The following SLC2A9 variants were observed in gnomAD, a reference collection of about 807,000 sequenced individuals.
The protein encoded by SLC2A9 is solute carrier family 2, facilitated glucose transporter member 9.
In SLC2A9, 39 loss-of-function variants were observed where a neutral mutation model predicts 50.6. That is an observed-to-expected ratio of 0.77 (90% confidence interval 0.60 to 1.01). The LOEUF (loss-of-function observed/expected upper bound fraction) is 1.01. Ranked by LOEUF, SLC2A9 falls within the 50% of genes least tolerant of loss-of-function variation. The pLI is 0.00. For missense variants in SLC2A9, 686 were observed against 677.6 expected (o/e 1.01, Z -0.14); for synonymous variants, 324 against 276.9 (o/e 1.17, Z -1.69).
In SLC2A9 at chr4:9,870,708, G is replaced by A. The variant is rs919028299; in HGVS notation, c.1291+16859C>T. Among the ~76,000 whole-genome samples the A allele has an allele frequency of 4.6e-5, 7 of 152,234 alleles. No individual in the cohort carries two copies. In the East Asian group the frequency reaches 5.8e-4, roughly 13 times the overall value. On this transcript the variant is annotated intron_variant, in intron 10 of 11. Coordinates refer to ENST00000264784, the MANE Select transcript of SLC2A9 (RefSeq NM_020041.3). The stretch of plus-strand genomic sequence containing the variant: ...AACATGTGAAAATGCAAGGGAGAAC[G>A]GCTGGAAAAAGGAGACTTTGGAGTT...
intron 6 of SLC2A9, among the ~76,000 whole-genome samples, chr4:9,926,083 C>A (rs1421326805): frequency 6.6e-6 from 1 of 152,012 alleles, no homozygotes; most frequent in Non-Finnish European, 1.5e-5. Context: ...CCATCCTGGC[C>A]TGGAGACCCC....
chr4:9,850,128 C>T (rs1358099218), intron 10 of SLC2A9, among the ~76,000 whole-genome samples: 1 of 152,072 alleles, frequency 6.6e-6, no homozygotes, highest in Admixed American at 6.5e-5. Context: ...CACGGGGCTG[C>T]TGAGCAATGG....
chr4:10,022,780 G>A (rs1763593118), upstream of SLC2A9, among the ~76,000 whole-genome samples: 1 of 152,210 alleles, frequency 6.6e-6, no homozygotes, highest in South Asian at 2.1e-4. Flanking sequence ...AACGCACGTG[G>A]AAACGTCCGG....
chr4:9,948,716 G>C (rs1178436985), intron 5 of SLC2A9, among the ~76,000 whole-genome samples: 1 of 152,192 alleles, frequency 6.6e-6, no homozygotes, highest in Non-Finnish European at 1.5e-5. Flanking sequence ...GCTCAACTGA[G>C]ACCTCTGTTG....
At chr4:9,845,718 C>CCG (rs1466132374) in intron 10 of SLC2A9, among the ~76,000 whole-genome samples, 1 of 152,188 alleles carries the variant, frequency 6.6e-6, no homozygotes, top group East Asian at 1.9e-4. Context: ...GCGTGAGCCA[C>CCG]CGCGCCCGGC....
chr4:9,842,177 G>A (rs1346139421), intron 10 of SLC2A9, among the ~76,000 whole-genome samples: 1 of 152,198 alleles, frequency 6.6e-6, no homozygotes, highest in African/African-American at 2.4e-5. Flanking sequence ...GGTATTTGCA[G>A]GAGGAAGGTT....
At chr4:9,910,547 C>T (rs1741541863) in intron 7 of SLC2A9, among the ~76,000 whole-genome samples, 1 of 152,226 alleles carries the variant, frequency 6.6e-6, no homozygotes, top group Admixed American at 6.5e-5. Flanking sequence ...CCTCAGGCTG[C>T]CAGGCTGTCA....
At chr4:9,833,722 C>T (rs1206217166) in intron 11 of SLC2A9, among the ~76,000 whole-genome samples, 2 of 152,120 alleles carry the variant, frequency 1.3e-5, no homozygotes, top group South Asian at 2.1e-4. Context: ...AATTAGCAGG[C>T]GGACTTAGAA....
At chr4:9,974,082 A>G (rs1754370920) in intron 5 of SLC2A9, among the ~76,000 whole-genome samples, 1 of 152,338 alleles carries the variant, frequency 6.6e-6, no homozygotes, top group East Asian at 1.9e-4. Flanking sequence ...ATAAAATCCA[A>G]CAAGCCTTAA....
intron 10 of SLC2A9, among the ~76,000 whole-genome samples, chr4:9,863,743 A>G (rs1042526049): frequency 6.6e-6 from 1 of 152,108 alleles, no homozygotes; most frequent in Non-Finnish European, 1.5e-5. Flanking sequence ...GAGACTTCAC[A>G]GTGGGGTGAG....
At chr4:9,919,730 TAGATGGGG>T (rs1406599636) in intron 7 of SLC2A9, among the ~76,000 whole-genome samples, 1 of 152,184 alleles carries the variant, frequency 6.6e-6, no homozygotes, top group Admixed American at 6.5e-5. Flanking sequence ...CACACTTCCA[TAGATGGGG>T]AGATCACCAC....
chr4:9,808,148 G>T (rs867364440), intron 3 of SLC2A9, among the ~76,000 whole-genome samples: 1 of 152,162 alleles, frequency 6.6e-6, no homozygotes, highest in Non-Finnish European at 1.5e-5. Context: ...CTGGAGCAGG[G>T]ACCTGACTTC....
upstream of SLC2A9, among the ~76,000 whole-genome samples, chr4:10,024,804 A>G (rs1203271434): frequency 6.6e-6 from 1 of 152,226 alleles, no homozygotes; most frequent in East Asian, 1.9e-4. Flanking sequence ...GAAGTTTTCT[A>G]GCAGGGAAGA....
intron 11 of SLC2A9, among the ~76,000 whole-genome samples, chr4:9,833,044 G>C (rs1415502026): frequency 6.6e-6 from 1 of 152,190 alleles, no homozygotes; most frequent in African/African-American, 2.4e-5. Flanking sequence ...GAACCATGTT[G>C]ACAGAAGCAG....
intron 5 of SLC2A9, among the ~76,000 whole-genome samples, chr4:9,973,014 A>G (rs1071988): frequency 0.29 from 44,256 of 152,050 alleles, 7,802 homozygotes; most frequent in African/African-American, 0.48. Context: ...CCAAAAGTTC[A>G]TTATTTGAAA....
At chr4:9,898,021 C>T (rs1738882706) in intron 8 of SLC2A9, among the ~76,000 whole-genome samples, 1 of 152,236 alleles carries the variant, frequency 6.6e-6, no homozygotes, top group South Asian at 2.1e-4. Context: ...TTCCTGGAAG[C>T]TGGGAGAGAG....
intron 3 of SLC2A9, chr4:9,782,350 G>C: frequency 6.2e-7 from 1 of 1,614,050 alleles, no homozygotes; most frequent in Non-Finnish European, 8.5e-7. Flanking sequence ...CCGGTTACTG[G>C]CCCTTTGGAG....
At chr4:9,971,010 A>G (rs1753824031) in intron 5 of SLC2A9, among the ~76,000 whole-genome samples, 1 of 152,182 alleles carries the variant, frequency 6.6e-6, no homozygotes, top group African/African-American at 2.4e-5. Flanking sequence ...TGCTTGGTCA[A>G]ATCAATCACG....
rs1382218466 is a variant in SLC2A9 at position 10,021,320 on chromosome 4, T to C, written c.110A>G (p.Asp37Gly). Reference sequence around the variant, plus strand: ...ACCTGGCACCCCACTCCTCAGGTGGTCACACTCCAGCAGTGCCCTCCCTGG... The same window carrying C: ...ACCTGGCACCCCACTCCTCAGGTGGCCACACTCCAGCAGTGCCCTCCCTGG... Reference protein sequence around the residue: ...PGPGRALLECDHLRSGVPGGR... With the variant: ...PGPGRALLECGHLRSGVPGGR... The change falls in exon 1 of 12, where the codon GAC becomes GGC. Residue 37 changes from aspartate (D) to glycine (G), a missense_variant. Physicochemically the swap from Asp to Gly is moderately conservative, Grantham distance 94. Coordinates refer to ENST00000264784, the MANE Select transcript of SLC2A9 (RefSeq NM_020041.3). 1 of 1,614,136 alleles carries C rather than the reference T, an allele frequency of 6.2e-7. No individual in the cohort carries two copies.
Sources: gnomAD v4.1 joint callset for allele counts (sites outside exome capture counted in the v4.1 genomes callset) on GRCh38, gnomAD v4.1.1 for gene constraint, MANE v1.5 for transcripts, NCBI Gene and HGNC (gene_info 2026-07-23, HGNC 2026-07-21) for gene names.